The following CLUAP1 variants were observed in gnomAD, a reference collection of about 807,000 sequenced individuals.
CLUAP1 encodes clusterin-associated protein 1.
In CLUAP1, 50 loss-of-function variants were observed where a neutral mutation model predicts 55.0. The observed-to-expected ratio is 0.91, with a 90% CI of 0.72 to 1.15. CLUAP1 has a LOEUF of 1.15. CLUAP1 is among the 50% of genes most tolerant of loss of function. The pLI, the probability that CLUAP1 is intolerant of heterozygous loss-of-function variation, is 0.00. For synonymous variants in CLUAP1, 195 were observed against 175.4 expected (o/e 1.11, Z -0.88); for missense variants, 530 against 507.6 (o/e 1.04, Z -0.42).
intron 3 of CLUAP1, 74 bp from the exon 4 acceptor site, chr16:3,508,215 C>CAT: frequency 7.3e-7 from 1 of 1,361,566 alleles, no homozygotes; most frequent in Non-Finnish European, 1.0e-6. Context: ...ATTTTCAACT[C>CAT]ACCTACATGG....
At chr16:3,510,356 A>G (rs2037599837) in intron 4 of CLUAP1, among the ~76,000 whole-genome samples, 1 of 151,722 alleles carries the variant, frequency 6.6e-6, no homozygotes, top group African/African-American at 2.4e-5. Flanking sequence ...GCTAGTCTCA[A>G]ACTCCTGACC....
intron 8 of CLUAP1, among the ~76,000 whole-genome samples, chr16:3,525,003 C>A (rs986811950): frequency 2.6e-5 from 4 of 152,146 alleles, no homozygotes; most frequent in African/African-American, 7.2e-5. Context: ...AGGCTTCTTA[C>A]AATACTGAGC....
At chr16:3,496,047 A>G (rs1288244851), upstream of CLUAP1, among the ~76,000 whole-genome samples, 1 of 152,094 alleles carries the variant, frequency 6.6e-6, no homozygotes, top group East Asian at 1.9e-4. Context: ...AGGCTGAGGC[A>G]GGAGAATGGC....
At chr16:3,511,995 T>A (rs1449057553) in intron 4 of CLUAP1, among the ~76,000 whole-genome samples, 2 of 152,046 alleles carry the variant, frequency 1.3e-5, no homozygotes. Flanking sequence ...AAGAGCAGCC[T>A]GACCAACATG....
intron 10 of CLUAP1, among the ~76,000 whole-genome samples, chr16:3,531,187 A>G (rs2038109406): frequency 6.6e-6 from 1 of 152,070 alleles, no homozygotes; most frequent in Non-Finnish European, 1.5e-5. Context: ...GTCCGTGAAT[A>G]TCCACTGCAT....
chr16:3,534,520 G>C (rs954833706), intron 11 of CLUAP1: 1 of 152,448 alleles, frequency 6.6e-6, no homozygotes, highest in Non-Finnish European at 1.5e-5. Flanking sequence ...GAAGGGTCAA[G>C]AGCTGATGAT....
intron 10 of CLUAP1, among the ~76,000 whole-genome samples, chr16:3,532,403 CTTTTTTTTTT>C (rs58037008): frequency 3.9e-5 from 2 of 50,768 alleles, no homozygotes; most frequent in South Asian, 8.9e-4. Flanking sequence ...AGCACAGTTG[CTTTTTTTTTT>C]TTTTTTTTTT....
chr16:3,515,481 T>G (rs760971142), intron 5 of CLUAP1, 27 bp from the exon 6 acceptor site: 1 of 1,511,886 alleles, frequency 6.6e-7, no homozygotes, highest in Non-Finnish European at 9.1e-7. Context: ...TCTGAAAATA[T>G]ACGTAAATGA....
chr16:3,498,892 ACAAC>A (rs1567416910), upstream of CLUAP1, among the ~76,000 whole-genome samples: 2 of 143,620 alleles, frequency 1.4e-5, no homozygotes, highest in African/African-American at 4.9e-5. Context: ...ACAAACAACA[ACAAC>A]AAAAAAAAGT....
intron 5 of CLUAP1, among the ~76,000 whole-genome samples, chr16:3,513,313 C>T (rs988323578): frequency 1.3e-5 from 2 of 152,216 alleles, no homozygotes; most frequent in African/African-American, 2.4e-5. Flanking sequence ...CACTTCCAGT[C>T]AGCTGAAGTT....
rs1244451692 is a variant in CLUAP1 at position 3,508,334 on chromosome 16, G to A, written c.265G>A (p.Ala89Thr). The A allele has an allele frequency of 6.2e-7, 1 of 1,606,600 alleles. No individual in the cohort carries two copies. The highest frequency in any genetic ancestry group is 2.3e-5 in the East Asian group (1 of 44,348). Reference sequence around the variant, plus strand: ...ACTCAACACTAAGAAGCTTTATCAAGCAGATGGGTATGCGGTAAAAGAGCT... The same window carrying A: ...ACTCAACACTAAGAAGCTTTATCAAACAGATGGGTATGCGGTAAAAGAGCT... ...IKLNTKKLYQ[A>T]DGYAVKELLK... Residue 89 changes from alanine to threonine, a missense_variant, in exon 4 of 12, where the codon GCA becomes ACA. By Grantham distance (58) the Ala-to-Thr change is moderately conservative. Transcript: ENST00000576634.
intron 6 of CLUAP1, among the ~76,000 whole-genome samples, chr16:3,519,010 G>GGGCA (rs2037781744): frequency 6.6e-6 from 1 of 152,272 alleles, no homozygotes; most frequent in African/African-American, 2.4e-5. Flanking sequence ...GAACCCTGGG[G>GGGCA]GGCAGTTCCA....
At chr16:3,530,496 C>A in intron 9 of CLUAP1, 72 bp from the exon 10 acceptor site, 3 of 1,066,438 alleles carry the variant, frequency 2.8e-6, no homozygotes, top group Non-Finnish European at 4.3e-6. Context: ...GCACACAGAC[C>A]TTACTGGGCA....
intron 3 of CLUAP1, among the ~76,000 whole-genome samples, chr16:3,507,067 G>T (rs919784373): frequency 6.6e-6 from 1 of 151,788 alleles, no homozygotes; most frequent in Non-Finnish European, 1.5e-5. Context: ...GTGGTGGCGG[G>T]CACCTGTAGT....
chr16:3,529,708 T>TTC (rs2038056972), intron 9 of CLUAP1, among the ~76,000 whole-genome samples: 5 of 33,276 alleles, frequency 1.5e-4, no homozygotes, highest in Admixed American at 5.9e-4. Context: ...ATATTATATA[T>TTC]TATATAATAT....
chr16:3,520,480 G>A (rs185940532), intron 7 of CLUAP1, among the ~76,000 whole-genome samples: 123 of 152,244 alleles, frequency 8.1e-4, no homozygotes, highest in Non-Finnish European at 2.2e-4. Flanking sequence ...TTACATAAGG[G>A]TATCTTCACC....
intron 1 of CLUAP1, 82 bp downstream of exon 1, chr16:3,501,171 A>G: frequency 7.1e-7 from 1 of 1,398,916 alleles, no homozygotes; most frequent in East Asian, 2.5e-5. Context: ...TGTGTAGGCG[A>G]TCCCTGAGGC....
At chr16:3,532,583 G>T (rs79318788) in intron 10 of CLUAP1, among the ~76,000 whole-genome samples, 8,202 of 146,674 alleles carry the variant, frequency 0.056, 373 homozygotes, top group African/African-American at 0.071. Context: ...CCTGGCTAAT[G>T]TTTAAAAAAA....
At chr16:3,506,602 C>CG (rs2037511854) in intron 3 of CLUAP1, among the ~76,000 whole-genome samples, 187 bp downstream of exon 3, 1 of 151,996 alleles carries the variant, frequency 6.6e-6, no homozygotes, top group South Asian at 2.1e-4. Context: ...TCCGTCTCCT[C>CG]GGGGGTTCTC....
Sources: allele counts gnomAD v4.1 joint callset (sites outside exome capture counted in the v4.1 genomes callset), GRCh38; gene constraint gnomAD v4.1.1; transcripts MANE v1.5; gene names NCBI Gene and HGNC (gene_info 2026-07-23, HGNC 2026-07-21).